The following TBC1D4 variants were observed in gnomAD, a reference collection of about 807,000 sequenced individuals.
TBC1D4 encodes TBC1 domain family member 4.
In TBC1D4, 121 loss-of-function variants were observed where a neutral mutation model predicts 142.5. The ratio of observed to expected loss-of-function variants is 0.85; its 90% confidence interval spans 0.73 to 0.99. The LOEUF (loss-of-function observed/expected upper bound fraction) is 0.99, where lower values mean the gene tolerates loss of function less well. TBC1D4 is among the 50% of genes least tolerant of loss of function. The pLI, the probability that TBC1D4 is intolerant of heterozygous loss-of-function variation, is 0.00. For missense variants in TBC1D4, 1,475 were observed against 1,606.6 expected (o/e 0.92, Z 1.40); for synonymous variants, 630 against 628.2 (o/e 1.00, Z -0.04).
At chr13:75,468,369 T>A (rs886224650) in intron 1 of TBC1D4, among the ~76,000 whole-genome samples, 3 of 152,200 alleles carry the variant, frequency 2.0e-5, no homozygotes, top group Non-Finnish European at 4.4e-5. Flanking sequence ...ATAACTGAAC[T>A]GAACTGAAAC....
At chr13:75,287,059 T>G (rs1269415236) in intron 20 of TBC1D4, 34 bp from the exon 21 acceptor site, 1 of 1,557,226 alleles carries the variant, frequency 6.4e-7, no homozygotes, top group Non-Finnish European at 8.9e-7. Flanking sequence ...CCAAATCAAA[T>G]GATTCATTAT....
At chr13:75,398,922 C>A (rs1884939883) in intron 1 of TBC1D4, among the ~76,000 whole-genome samples, 1 of 152,134 alleles carries the variant, frequency 6.6e-6, no homozygotes, top group Non-Finnish European at 1.5e-5. Context: ...TGACACCCAG[C>A]CTAAAGTAGA....
At chr13:75,320,867 C>CAAAAAAAAAA (rs148657060) in intron 11 of TBC1D4, among the ~76,000 whole-genome samples, 40 of 84,258 alleles carry the variant, frequency 4.7e-4, no homozygotes, top group African/African-American at 7.8e-4. Flanking sequence ...ACTAAAAATA[C>CAAAAAAAAAA]AAAAAAAAAA....
intron 4 of TBC1D4, 118 bp downstream of exon 4, chr13:75,356,029 G>T: frequency 1.3e-6 from 1 of 774,892 alleles, no homozygotes; most frequent in South Asian, 1.5e-5. Context: ...CATATTTCTA[G>T]ACGCCTTCTT....
rs1013098572 is a variant in TBC1D4 at position 75,285,241 on chromosome 13, AG to A, written c.*1550del. Reference sequence around the variant, plus strand: ...TGGGTAACAGTGCGGAGGGGGTTTCAGATGTTTGTCATCTGTTCATCAAAGC... The same window carrying A: ...TGGGTAACAGTGCGGAGGGGGTTTCAATGTTTGTCATCTGTTCATCAAAGC... On this transcript the variant is annotated 3_prime_UTR_variant, in exon 21 of 21. Transcript: ENST00000377636. 1 of 152,228 alleles carries A rather than the reference AG, an allele frequency of 6.6e-6. No individual in the cohort carries two copies. Among genetic ancestry groups the A allele is most frequent in the Non-Finnish European group, 1.5e-5 (1 of 68,032 alleles). The allele number at this position is 152,228 out of a possible 1,614,324, so 9.4% of individuals were successfully genotyped here.
chr13:75,460,499 C>A (rs977635595), intron 1 of TBC1D4, among the ~76,000 whole-genome samples: 1 of 151,880 alleles, frequency 6.6e-6, no homozygotes, highest in Non-Finnish European at 1.5e-5. Context: ...CAGGTGGGCA[C>A]GAGGAATGAT....
In TBC1D4 at chr13:75,286,943, C is replaced by T. The variant is rs765237270; in HGVS notation, c.3746G>A (p.Arg1249Gln). 8.7e-6 allele frequency: 14 copies of T among 1,613,680 alleles called. No individual in the cohort carries two copies. Among genetic ancestry groups the T allele is most frequent in the African/African-American group, 2.7e-5 (2 of 74,806 alleles). ...TRETKMKSLI[R>Q]TLEQEKMAYQ... ...AGCCATTTTTTCTTGTTCCAGGGTC[C>T]GGATTAAAGACTTCATTTTGGTCTC... The change falls in exon 21 of 21, where the codon CGG (arginine) becomes CAG (glutamine). Residue 1249 changes from arginine to glutamine, a missense_variant. Arg to Gln is a conservative substitution (Grantham distance 43). Around this residue, in one of 2 missense-constraint regions of TBC1D4, gnomAD observed 248 missense variants for 338.9 expected, o/e 0.73. Coordinates refer to ENST00000377636, the MANE Select transcript of TBC1D4 (RefSeq NM_014832.5).
intron 1 of TBC1D4, among the ~76,000 whole-genome samples, chr13:75,379,148 C>T (rs1369821067): frequency 6.6e-6 from 1 of 151,922 alleles, no homozygotes; most frequent in African/African-American, 2.4e-5. Flanking sequence ...CTATAAATTG[C>T]TACATGATAA....
chr13:75,410,009 T>C (rs2138391609), intron 1 of TBC1D4, among the ~76,000 whole-genome samples: 1 of 152,348 alleles, frequency 6.6e-6, no homozygotes, highest in East Asian at 1.9e-4. Context: ...CCAAATTTGT[T>C]TATCTTAACC....
At chr13:75,462,938 A>G (rs1420364336) in intron 1 of TBC1D4, among the ~76,000 whole-genome samples, 3 of 152,178 alleles carry the variant, frequency 2.0e-5, no homozygotes, top group Non-Finnish European at 4.4e-5. Context: ...GCTTCAGCAA[A>G]GCATGGGTAA....
chr13:75,472,408 G>C (rs1888451126), intron 1 of TBC1D4, among the ~76,000 whole-genome samples: 1 of 152,100 alleles, frequency 6.6e-6, no homozygotes, highest in Non-Finnish European at 1.5e-5. Context: ...GACAAAGCAA[G>C]ACTCCGTCTC....
rs142925168 is a variant in TBC1D4, at chr13:75,465,153, G to A, written c.498+16117C>T. Among the ~76,000 whole-genome samples the A allele has an allele frequency of 4.5e-3, 680 of 152,214 alleles. 6 individuals carry two copies. The highest frequency in any genetic ancestry group is 0.015 in the African/African-American group (643 of 41,530). On this transcript the variant is annotated intron_variant, in intron 1 of 20. Transcript: ENST00000377636. ...AGTACAGACAGGTGCCAGAACTTGC[G>A]CAGGGCCGTAAGTGGTGGAGCCTGG...
chr13:75,362,694 G>C lies in TBC1D4; in HGVS notation c.499-87C>G. ...TAGCCCAATTATTACCACATGGAATGTATTTTCATCCTAAATAATATACAA... is the reference window on the plus strand; with the variant it reads ...TAGCCCAATTATTACCACATGGAATCTATTTTCATCCTAAATAATATACAA... On this transcript the variant is annotated intron_variant, in intron 1 of 20. Transcript: ENST00000377636. The surrounding 1 kb of genome is among the most constrained non-coding windows in gnomAD (Gnocchi z 4.2). The C allele has an allele frequency of 2.9e-6, 4 of 1,392,488 alleles. No individual in the cohort carries two copies. Among genetic ancestry groups the C allele is most frequent in the Non-Finnish European group, 2.0e-6 (2 of 992,978 alleles). The allele number at this position is 1,392,488 out of a possible 1,614,324, so 86.3% of individuals were successfully genotyped here. A position where few individuals can be genotyped will look rare whatever the true frequency, so the allele number is the denominator to read the frequency against.
In TBC1D4 at chr13:75,286,663, C is replaced by T; in HGVS notation, c.*129G>A. 1 of 906,104 alleles carries T rather than the reference C, an allele frequency of 1.1e-6. No homozygotes were observed. The highest frequency in any genetic ancestry group is 1.5e-5 in the South Asian group (1 of 68,638). The allele number at this position is 906,104 out of a possible 1,614,324, so 56.1% of individuals were successfully genotyped here. A position where few individuals can be genotyped will look rare whatever the true frequency, so the allele number is the denominator to read the frequency against. On this transcript the variant is annotated 3_prime_UTR_variant, in exon 21 of 21. Transcript: ENST00000377636. ...TGAGCACGAGGTCCACCTGCTGTGA[C>T]TAGGCGCTCAGCACCAGTATTAGGT...
At chr13:75,421,654 A>G (rs549283492) in intron 1 of TBC1D4, among the ~76,000 whole-genome samples, 1 of 152,366 alleles carries the variant, frequency 6.6e-6, no homozygotes, top group African/African-American at 2.4e-5. Flanking sequence ...ATGAAGCGGC[A>G]TATCATAGAC....
intron 1 of TBC1D4, among the ~76,000 whole-genome samples, chr13:75,438,421 T>C (rs1157740777): frequency 6.6e-6 from 1 of 152,190 alleles, no homozygotes; most frequent in Non-Finnish European, 1.5e-5. Context: ...CAGTCACTTG[T>C]AAATGCCTAA....
In TBC1D4 at chr13:75,362,750, C is replaced by T. The variant is rs534259262; in HGVS notation, c.499-143G>A. On this transcript the variant is annotated intron_variant, in intron 1 of 20. Coordinates refer to ENST00000377636, the MANE Select transcript of TBC1D4 (RefSeq NM_014832.5). The surrounding 1 kb of genome is among the most constrained non-coding windows in gnomAD (Gnocchi z 4.2). The stretch of plus-strand genomic sequence containing the variant: ...TAGACACTACACGAGACAGAGCATA[C>T]ACTTACATTATTTGACATAAATGAC... 31 of 822,796 alleles carry T rather than the reference C, an allele frequency of 3.8e-5. No homozygotes were observed. In the South Asian group the frequency reaches 5.3e-4, roughly 14 times the overall value. The allele number at this position is 822,796 out of a possible 1,614,324, so 51.0% of individuals were successfully genotyped here.
intron 19 of TBC1D4, among the ~76,000 whole-genome samples, chr13:75,291,546 G>A (rs1875310636): frequency 6.6e-6 from 1 of 152,148 alleles, no homozygotes; most frequent in African/African-American, 2.4e-5. Flanking sequence ...TAGGGACAAA[G>A]ACTGATACAC....
intron 1 of TBC1D4, among the ~76,000 whole-genome samples, chr13:75,458,217 C>T (rs1887819577): frequency 6.6e-6 from 1 of 151,996 alleles, no homozygotes; most frequent in African/African-American, 2.4e-5. Flanking sequence ...GGATGGGGAG[C>T]TGGAAAGAGG....
Sources: allele counts gnomAD v4.1 joint callset (sites outside exome capture counted in the v4.1 genomes callset), GRCh38; gene constraint gnomAD v4.1.1; regional missense constraint gnomAD v4.1.1; non-coding constraint Gnocchi (gnomAD v3.1); transcripts MANE v1.5; gene names NCBI Gene and HGNC (gene_info 2026-07-23, HGNC 2026-07-21).